Variants in AMOTL2 observed in about 807,000 individuals in gnomAD.
AMOTL2 encodes angiomotin like 2.
Under a neutral mutation model 78.4 loss-of-function variants are expected in AMOTL2, and 33 were observed. The observed-to-expected ratio is 0.42, with a 90% CI of 0.32 to 0.56. AMOTL2 has a LOEUF of 0.56. AMOTL2 is among the 20% of genes least tolerant of loss of function. The probability of loss-of-function intolerance (pLI) is 0.12; values close to 1 mark genes in which losing one functional copy is unlikely to be tolerated. For missense variants in AMOTL2, 983 were observed against 1,030.1 expected, an observed-to-expected ratio of 0.95 and a Z score of 0.63; for synonymous variants, 422 against 428.8, an observed-to-expected ratio of 0.98 and a Z score of 0.20.
chr3:134,358,114 G>A (rs1274976718), intron 9 of AMOTL2, among the ~76,000 whole-genome samples: 3 of 152,358 alleles, frequency 2.0e-5, no homozygotes, highest in Admixed American at 2.0e-4. Flanking sequence ...CAATGTGAAA[G>A]GGGAGTGGAA....
intron 1 of AMOTL2, chr3:134,372,045 T>G: frequency 6.4e-6 from 1 of 156,288 alleles, no homozygotes. Context: ...GTAGAAGCCC[T>G]AGGCGAAAGG....
In AMOTL2 at chr3:134,374,384, C is replaced by T. The variant is rs2018007844; in HGVS notation, c.-104G>A. ...GCCCAGCGCAGTCAGACACCACAAC[C>T]TCCGGCTCGGCCCAGCTCAGCTCGG... On this transcript the variant is annotated 5_prime_UTR_variant, in exon 1 of 10. Coordinates refer to ENST00000249883, the MANE Select transcript of AMOTL2 (RefSeq NM_016201.4). The T allele has an allele frequency of 1.3e-5, 13 of 985,314 alleles. No homozygotes were observed. The highest frequency in any genetic ancestry group is 4.7e-5 in the South Asian group (1 of 21,292). 61.0% of individuals were successfully genotyped at this position (985,314 alleles called of 1,614,324 possible). A position where few individuals can be genotyped will look rare whatever the true frequency, so the allele number is the denominator to read the frequency against.
At chr3:134,362,823 C>A (rs944020124) in intron 5 of AMOTL2, among the ~76,000 whole-genome samples, 1 of 152,202 alleles carries the variant, frequency 6.6e-6, no homozygotes, top group Non-Finnish European at 1.5e-5. Context: ...AGGCTGCCCC[C>A]TGAGGAGCAG....
At chr3:134,360,989 T>C (rs1283877446) in intron 6 of AMOTL2, among the ~76,000 whole-genome samples, 1 of 152,036 alleles carries the variant, frequency 6.6e-6, no homozygotes, top group African/African-American at 2.4e-5. Flanking sequence ...GCCTGGCCAA[T>C]ATGGTGAAAC....
chr3:134,357,809 G>A (rs913024239), intron 9 of AMOTL2, 46 bp from the exon 10 acceptor site: 1 of 1,580,948 alleles, frequency 6.3e-7, no homozygotes, highest in Non-Finnish European at 8.7e-7. Flanking sequence ...AGTGTTACTA[G>A]ATTGCTTTTA....
In AMOTL2 at chr3:134,367,492, C is replaced by A; in HGVS notation, c.1041+5G>T. 6.2e-7 allele frequency: 1 copy of A among 1,611,254 alleles called. No individual in the cohort carries two copies. Among genetic ancestry groups the A allele is most frequent in the East Asian group, 2.2e-5 (1 of 44,870 alleles). On this transcript the variant is annotated splice_donor_5th_base_variant and intron_variant, in intron 3 of 9. Coordinates refer to ENST00000249883, the MANE Select transcript of AMOTL2 (RefSeq NM_016201.4). ...CTGCCCTTCTGAAGCCCCAGCAGGG[C>A]CTACCTTCTCAATGCGGCCAGCCTT...
rs1319526303 is a variant in AMOTL2 at position 134,367,719 on chromosome 3, AG to A, written c.818del (p.Pro273LeufsTer13). ...GGCCGAGAGCAGCTGGATGTGGGGGAGGGGGGTGCTCCTGAGATTGCTGCAG... is the reference window on the plus strand; with the variant it reads ...GGCCGAGAGCAGCTGGATGTGGGGGAGGGGGTGCTCCTGAGATTGCTGCAG... ...QYLQQSQEHP[P>X]PPHPAALGHG... is the part of the protein sequence containing the mutation. On this transcript the variant is annotated frameshift_variant, in exon 3 of 10. Transcript: ENST00000249883. LOFTEE classifies it high-confidence loss of function. The A allele has an allele frequency of 1.9e-6, 3 of 1,613,360 alleles. No individual in the cohort carries two copies. The highest frequency in any genetic ancestry group is 2.5e-6 in the Non-Finnish European group (3 of 1,179,944).
Position 134,357,592 on chromosome 3 carries a change from T to G in AMOTL2, c.*113A>C. On this transcript the variant is annotated 3_prime_UTR_variant, in exon 10 of 10. Transcript: ENST00000249883. Reference sequence around the variant, plus strand: ...ACCAGATGGTCAATGGGAATGAGTGTCTGGCTGGGGAAAGGGACGGAGCAG... The same window carrying G: ...ACCAGATGGTCAATGGGAATGAGTGGCTGGCTGGGGAAAGGGACGGAGCAG... The G allele has an allele frequency of 3.6e-6, 4 of 1,116,992 alleles. No individual in the cohort carries two copies. In the South Asian group the frequency reaches 5.1e-5, roughly 14 times the overall value. 69.2% of individuals were successfully genotyped at this position (1,116,992 alleles called of 1,614,324 possible).
Position 134,374,419 on chromosome 3 carries a change from T to A in AMOTL2, c.-139A>T, listed in dbSNP as rs1028715464. 4.1e-6 allele frequency: 4 copies of A among 985,048 alleles called. No homozygotes were observed. In the African/African-American group the frequency reaches 5.3e-5, roughly 13 times the overall value. 61.0% of individuals were successfully genotyped at this position (985,048 alleles called of 1,614,324 possible). A position where few individuals can be genotyped will look rare whatever the true frequency, so the allele number is the denominator to read the frequency against. On this transcript the variant is annotated 5_prime_UTR_variant, in exon 1 of 10. Coordinates refer to ENST00000249883, the MANE Select transcript of AMOTL2 (RefSeq NM_016201.4). The stretch of plus-strand genomic sequence containing the variant: ...GCCCAGCTCAGCTCGGCGGCGAAGA[T>A]GTGTTCTCGGCCGTGGCGCCGACGC...
At chr3:134,361,327 G>A (rs1559796774) in intron 6 of AMOTL2, among the ~76,000 whole-genome samples, 185 bp downstream of exon 6, 1 of 152,226 alleles carries the variant, frequency 6.6e-6, no homozygotes, top group Non-Finnish European at 1.5e-5. Context: ...ACGAGTGGAA[G>A]GGAGCACGCA....
chr3:134,361,853 T>C, intron 5 of AMOTL2, 46 bp from the exon 6 acceptor site: 1 of 1,473,418 alleles, frequency 6.8e-7, no homozygotes, highest in Non-Finnish European at 9.1e-7. Context: ...CCACGTTGGC[T>C]GGCCCCATTG....
At position 134,366,338 on chromosome 3, in the gene AMOTL2, C is replaced by A; in HGVS notation, c.1131G>T (p.Arg377=). 6.2e-7 allele frequency: 1 copy of A among 1,614,216 alleles called. No individual in the cohort carries two copies. The highest frequency in any genetic ancestry group is 1.1e-5 in the South Asian group (1 of 91,078). ...TCCTCATTTCACTGTCCATCTTGTT[C>A]CGCATGGTCTTCTCCAGGGCCTCAC... The part of the protein sequence containing the change: ...SKREALEKTM[R]NKMDSEMRRL... The change falls in exon 4 of 10, where the codon CGG becomes CGT. Residue 377 remains arginine (R), a synonymous_variant. Transcript: ENST00000249883.
At chr3:134,367,055 C>G (rs1376098238) in intron 3 of AMOTL2, among the ~76,000 whole-genome samples, 2 of 152,226 alleles carry the variant, frequency 1.3e-5, no homozygotes, top group Non-Finnish European at 2.9e-5. Context: ...GTGCTCTTAG[C>G]TGGCCTGTGA....
intron 5 of AMOTL2, among the ~76,000 whole-genome samples, chr3:134,362,108 GCACCA>G: frequency 6.6e-6 from 1 of 152,116 alleles, no homozygotes; most frequent in Non-Finnish European, 1.5e-5. Flanking sequence ...TGTGCCAGGG[GCACCA>G]TGTCTAAAAC....
At chr3:134,363,961 T>C (rs537830538) in intron 5 of AMOTL2, among the ~76,000 whole-genome samples, 1 of 152,238 alleles carries the variant, frequency 6.6e-6, no homozygotes, top group African/African-American at 2.4e-5. Flanking sequence ...GATAAAACCT[T>C]GGGCCTGCGG....
At chr3:134,357,825 C>G in intron 9 of AMOTL2, 62 bp from the exon 10 acceptor site, 1 of 1,525,594 alleles carries the variant, frequency 6.6e-7, no homozygotes, top group East Asian at 2.3e-5. Context: ...TTTTAAAATC[C>G]TGGCACATTT....
chr3:134,361,499 T>C lies in AMOTL2; in HGVS notation c.1575+13A>G, dbSNP rs767526667. The C allele has an allele frequency of 6.3e-7, 1 of 1,593,504 alleles. No individual in the cohort carries two copies. The highest frequency in any genetic ancestry group is 8.6e-7 in the Non-Finnish European group (1 of 1,167,970). The stretch of plus-strand genomic sequence containing the variant: ...TCAGATGCTGCCCTAGCCTGGAGAC[T>C]TTCTCAGCTCACCTGCTGTGCACGC... On this transcript the variant is annotated intron_variant, in intron 6 of 9. Coordinates refer to ENST00000249883, the MANE Select transcript of AMOTL2 (RefSeq NM_016201.4).
At chr3:134,362,721 G>C (rs1009792022) in intron 5 of AMOTL2, among the ~76,000 whole-genome samples, 8 of 152,144 alleles carry the variant, frequency 5.3e-5, no homozygotes, top group African/African-American at 1.7e-4. Flanking sequence ...CTCTCCATAG[G>C]GCCAGGAGAA....
intron 1 of AMOTL2, among the ~76,000 whole-genome samples, chr3:134,372,560 C>CACACACACAA (rs2017916490): frequency 6.6e-6 from 1 of 150,616 alleles, no homozygotes; most frequent in Admixed American, 6.6e-5. Flanking sequence ...CACACACAAA[C>CACACACACAA]ACACACACAC....
Sources: allele counts gnomAD v4.1 joint callset (sites outside exome capture counted in the v4.1 genomes callset), GRCh38; gene constraint gnomAD v4.1.1; transcripts MANE v1.5; gene names NCBI Gene and HGNC (gene_info 2026-07-23, HGNC 2026-07-21).